Variants in TOX observed in about 807,000 individuals in gnomAD.
TOX encodes the protein thymocyte selection associated high mobility group box, also known as thymocyte selection-associated high mobility group box protein TOX.
Under a neutral mutation model 53.7 loss-of-function variants are expected in TOX, and 11 were observed. That is an observed-to-expected ratio of 0.20 (90% CI 0.13 to 0.34). The LOEUF (loss-of-function observed/expected upper bound fraction) is 0.34, where lower values mean the gene tolerates loss of function less well. TOX is among the 10% of genes least tolerant of loss of function. The pLI is 1.00. For missense variants in TOX, 570 were observed against 664.6 expected (o/e 0.86, Z 1.56); for synonymous variants, 225 against 245.3 (o/e 0.92, Z 0.77).
chr8:58,914,272 T>G (rs774494614), intron 3 of TOX, among the ~76,000 whole-genome samples: 1 of 152,340 alleles, frequency 6.6e-6, no homozygotes, highest in Non-Finnish European at 1.5e-5. Flanking sequence ...TATTGAGCTG[T>G]ATAATGAAGG....
chr8:59,044,952 G>A (rs564895154), intron 1 of TOX, among the ~76,000 whole-genome samples: 4 of 152,298 alleles, frequency 2.6e-5, no homozygotes, highest in Admixed American at 2.0e-4. Flanking sequence ...AGTATTAGTC[G>A]TGGAATGCCT....
At chr8:58,977,389 G>A (rs1813121306) in intron 1 of TOX, among the ~76,000 whole-genome samples, 1 of 152,214 alleles carries the variant, frequency 6.6e-6, no homozygotes, top group South Asian at 2.1e-4. Flanking sequence ...TTAAGGGAAT[G>A]CAGTGGCTGC....
intron 2 of TOX, among the ~76,000 whole-genome samples, chr8:58,942,838 G>T (rs1358268066): frequency 6.6e-6 from 1 of 152,106 alleles, no homozygotes; most frequent in Non-Finnish European, 1.5e-5. Flanking sequence ...TGCTCACACA[G>T]ATCCAATTGT....
At chr8:59,046,940 A>T (rs902176283) in intron 1 of TOX, among the ~76,000 whole-genome samples, 9 of 151,708 alleles carry the variant, frequency 5.9e-5, no homozygotes, top group Non-Finnish European at 1.3e-4. Context: ...AAGTAAACTG[A>T]ATCATCATCC....
chr8:58,925,854 T>G (rs764158785), intron 3 of TOX, among the ~76,000 whole-genome samples: 2 of 152,214 alleles, frequency 1.3e-5, no homozygotes, highest in Non-Finnish European at 2.9e-5. Flanking sequence ...GGGACTATGT[T>G]TCTATAGCTT....
chr8:59,056,191 C>T (rs1803885764), intron 1 of TOX, among the ~76,000 whole-genome samples: 1 of 151,688 alleles, frequency 6.6e-6, no homozygotes, highest in Non-Finnish European at 1.5e-5. Flanking sequence ...TTTGGGAGGC[C>T]AAGGTGGGAG....
intron 3 of TOX, among the ~76,000 whole-genome samples, chr8:58,939,088 G>T (rs556795226): frequency 6.6e-6 from 1 of 152,276 alleles, no homozygotes; most frequent in African/African-American, 2.4e-5. Context: ...TCATAAATAC[G>T]AGTGACTGCA....
chr8:58,966,504 C>T (rs1023331834), intron 1 of TOX, among the ~76,000 whole-genome samples: 8 of 152,020 alleles, frequency 5.3e-5, no homozygotes, highest in Admixed American at 5.2e-4. Flanking sequence ...GGAAGAATGG[C>T]CTGGGTACAG....
At chr8:58,932,406 CTT>C (rs1475519386) in intron 3 of TOX, among the ~76,000 whole-genome samples, 2 of 151,952 alleles carry the variant, frequency 1.3e-5, no homozygotes, top group Non-Finnish European at 2.9e-5. Flanking sequence ...TTATTTTCCT[CTT>C]TGTTTAAAGA....
intron 1 of TOX, among the ~76,000 whole-genome samples, chr8:59,002,705 T>G (rs1278277670): frequency 6.6e-6 from 1 of 151,828 alleles, no homozygotes; most frequent in Non-Finnish European, 1.5e-5. Context: ...AGGTAAAAAA[T>G]AGTTATAATG....
chr8:58,975,863 A>G (rs1813088508), intron 1 of TOX, among the ~76,000 whole-genome samples: 1 of 152,050 alleles, frequency 6.6e-6, no homozygotes, highest in Non-Finnish European at 1.5e-5. Context: ...CACAAGGTCA[A>G]GAGATCGAGA....
intron 2 of TOX, among the ~76,000 whole-genome samples, chr8:58,956,948 G>A (rs1005956552): frequency 6.6e-6 from 1 of 152,170 alleles, no homozygotes; most frequent in Non-Finnish European, 1.5e-5. Context: ...TCCTCATGTT[G>A]CAAGTTACAT....
intron 1 of TOX, among the ~76,000 whole-genome samples, chr8:59,096,978 C>T (rs1206306536): frequency 1.3e-5 from 2 of 152,156 alleles, no homozygotes; most frequent in Non-Finnish European, 2.9e-5. Context: ...TTGCTGGAAA[C>T]AGGATAGAGG....
At chr8:58,840,896 A>C (rs1810632380) in intron 4 of TOX, among the ~76,000 whole-genome samples, 1 of 151,904 alleles carries the variant, frequency 6.6e-6, no homozygotes, top group Non-Finnish European at 1.5e-5. Context: ...CCTCTCTCCC[A>C]CTGGTTCCCT....
At chr8:58,939,723 C>T (rs1812403366) in intron 2 of TOX, among the ~76,000 whole-genome samples, 179 bp from the exon 3 acceptor site, 1 of 152,218 alleles carries the variant, frequency 6.6e-6, no homozygotes, top group Admixed American at 6.5e-5. Context: ...AAAATTGCCT[C>T]AAAGGCAGAT....
intron 1 of TOX, among the ~76,000 whole-genome samples, chr8:58,977,801 C>CTTA (rs1813130795): frequency 6.6e-6 from 1 of 152,064 alleles, no homozygotes; most frequent in South Asian, 2.1e-4. Flanking sequence ...AGTTCATTGT[C>CTTA]TTATATAGGT....
At position 58,939,519 on chromosome 8, in the gene TOX, C is replaced by T. The variant is rs1372777613; in HGVS notation, c.194G>A (p.Ser65Asn). The part of the protein sequence containing the change: ...SQSYPGPSLE[S>N]EDFNIPPITP... ...AATTGGTGGAATGTTGAAGTCTTCA[C>T]TTTCCAGGCTTGGACCAGGGTAGGA... The change falls in exon 3 of 9, where the codon AGT becomes AAT. Residue 65 changes from serine (S) to asparagine (N), a missense_variant. By Grantham distance (46) the Ser-to-Asn change is conservative. Coordinates refer to ENST00000361421, the MANE Select transcript of TOX (RefSeq NM_014729.3). 3.1e-6 allele frequency: 5 copies of T among 1,614,026 alleles called. No individual in the cohort carries two copies. Among genetic ancestry groups the T allele is most frequent in the Admixed American group, 3.3e-5 (2 of 60,022 alleles).
intron 2 of TOX, among the ~76,000 whole-genome samples, chr8:58,957,588 A>C (rs1209362638): frequency 2.0e-5 from 3 of 152,206 alleles, no homozygotes; most frequent in Non-Finnish European, 4.4e-5. Flanking sequence ...TTCTATAAAA[A>C]TCATTTCAAG....
At chr8:58,912,284 C>G (rs1811921767) in intron 3 of TOX, among the ~76,000 whole-genome samples, 1 of 152,170 alleles carries the variant, frequency 6.6e-6, no homozygotes, top group African/African-American at 2.4e-5. Flanking sequence ...CTCTGACAGG[C>G]ATAAGGAAAT....
Sources: gnomAD v4.1 joint callset for allele counts (sites outside exome capture counted in the v4.1 genomes callset) on GRCh38, gnomAD v4.1.1 for gene constraint, MANE v1.5 for transcripts, NCBI Gene and HGNC (gene_info 2026-07-23, HGNC 2026-07-21) for gene names.